The following ANO1 variants were observed in gnomAD, a reference collection of about 807,000 sequenced individuals.
ANO1 encodes anoctamin-1.
ANO1 carries 59 observed loss-of-function variants against 124.0 expected under a neutral mutation model. The observed-to-expected ratio is 0.48, with a 90% CI of 0.39 to 0.59. The LOEUF (loss-of-function observed/expected upper bound fraction) is 0.59, where lower values mean the gene tolerates loss of function less well. Among genes scored for constraint, ANO1 ranks in the 20% least tolerant of loss-of-function variants. ANO1 has a pLI of 0.00. For missense variants in ANO1, 1,059 were observed against 1,328.0 expected, an observed-to-expected ratio of 0.80 and a Z score of 3.15; for synonymous variants, 529 against 532.0, an observed-to-expected ratio of 0.99 and a Z score of 0.08.
rs753003938 is a variant in ANO1 at position 70,087,901 on chromosome 11, C to T, written c.258C>T (p.Ser86=). 4.5e-5 allele frequency: 72 copies of T among 1,610,694 alleles called. No individual in the cohort carries two copies. In the South Asian group the frequency reaches 7.1e-4, roughly 16 times the overall value. The part of the protein sequence containing the change: ...NRTLVRRVQH[S]DTPSGARSVK... Reference sequence around the variant, plus strand: ...CCCTGGTCAGGAGGGTGCAGCACAGCGACACCCCCTCTGGGGCTCGCAGCG... The same window carrying T: ...CCCTGGTCAGGAGGGTGCAGCACAGTGACACCCCCTCTGGGGCTCGCAGCG... Residue 86 remains serine (S), a synonymous_variant, in exon 2 of 26, where the codon AGC becomes AGT. Transcript: ENST00000355303.
At chr11:70,009,443 C>T (rs1856550883) in intron 1 of ANO1, among the ~76,000 whole-genome samples, 1 of 152,148 alleles carries the variant, frequency 6.6e-6, no homozygotes, top group African/African-American at 2.4e-5. Flanking sequence ...CTGACTGTAC[C>T]AAGTGACTTC....
chr11:70,032,599 G>A (rs1236528935), intron 1 of ANO1, among the ~76,000 whole-genome samples: 2 of 152,066 alleles, frequency 1.3e-5, no homozygotes, highest in East Asian at 1.9e-4. Flanking sequence ...CAAGGGAGGA[G>A]CCCACAACAG....
intron 2 of ANO1, among the ~76,000 whole-genome samples, chr11:70,093,924 C>A (rs1450796280): frequency 6.6e-6 from 1 of 152,170 alleles, no homozygotes; most frequent in African/African-American, 2.4e-5. Context: ...CGGATGTGGA[C>A]CCAGCTCAAA....
chr11:70,006,871 C>T (rs1555000172), intron 1 of ANO1, among the ~76,000 whole-genome samples: 4 of 151,936 alleles, frequency 2.6e-5, no homozygotes, highest in African/African-American at 7.2e-5. Flanking sequence ...GGTTTCGCCA[C>T]GTTGGCCAGG....
At chr11:70,109,336 G>C (rs1192199684) in intron 6 of ANO1, among the ~76,000 whole-genome samples, 3 of 152,182 alleles carry the variant, frequency 2.0e-5, no homozygotes, top group African/African-American at 7.2e-5. Context: ...GGTCAGGCCC[G>C]GGAGACAGAG....
In ANO1 at chr11:70,178,700, A is replaced by T. The variant is rs182661288; in HGVS notation, c.2351-1304A>T. Among the ~76,000 whole-genome samples the T allele has an allele frequency of 9.1e-4, 139 of 152,008 alleles. 1 individual carries two copies. The East Asian group carries it at 0.026, about 28-fold the overall frequency. On this transcript the variant is annotated intron_variant, in intron 22 of 25. Transcript: ENST00000355303. ...TGCCTCAGCCTTCTGAGTAGCTGGG[A>T]TTACAGGCATGTGCCACGACGCCTG...
the ANO1 span, among the ~76,000 whole-genome samples, chr11:69,976,534 AAAAAAAAAAAAAAAAAAAAAG>A: frequency 5.1e-3 from 306 of 59,792 alleles, 20 homozygotes; most frequent in Non-Finnish European, 8.8e-3. Flanking sequence ...AAAAAAAAAA[AAAAAAAAAAAAAAAAAAAAAG>A]AGAGAGAGAG....
intron 1 of ANO1, among the ~76,000 whole-genome samples, chr11:70,041,728 GA>G (rs1293774793): frequency 6.6e-6 from 1 of 151,850 alleles, no homozygotes; most frequent in Non-Finnish European, 1.5e-5. Context: ...AAAATATGTT[GA>G]AAAAACAGTA....
At position 69,993,750 on chromosome 11, in the gene ANO1, C is replaced by T. The variant is rs782250358; in HGVS notation, c.58+7584C>T. ...CCATATCTACAGACAAACAAGATGA[C>T]TTCACTCTTTCTGTCTTCATGGCCT... On this transcript the variant is annotated intron_variant, in intron 1 of 27. Transcript: ENST00000531349. Among the ~76,000 whole-genome samples the T allele has an allele frequency of 2.2e-4, 34 of 152,206 alleles. 1 individual carries two copies. The highest frequency in any genetic ancestry group is 3.3e-4 in the Admixed American group (5 of 15,288).
intron 2 of ANO1, among the ~76,000 whole-genome samples, chr11:70,098,311 C>T (rs960819523): frequency 6.6e-6 from 1 of 152,224 alleles, no homozygotes; most frequent in African/African-American, 2.4e-5. Flanking sequence ...ACCCCACCAA[C>T]GATGAGGCTC....
chr11:70,077,196 C>T (rs1243141327), upstream of ANO1, among the ~76,000 whole-genome samples: 4 of 152,280 alleles, frequency 2.6e-5, no homozygotes, highest in Non-Finnish European at 4.4e-5. Flanking sequence ...TATTGAGCAT[C>T]GGCTGTGTGA....
At chr11:70,095,065 G>T (rs1424282857) in intron 2 of ANO1, among the ~76,000 whole-genome samples, 3 of 151,904 alleles carry the variant, frequency 2.0e-5, no homozygotes, top group African/African-American at 7.3e-5. Context: ...AATTAGCCGG[G>T]CGTGGTGGCT....
At chr11:69,969,411 A>G in the ANO1 span, among the ~76,000 whole-genome samples, 1 of 152,094 alleles carries the variant, frequency 6.6e-6, no homozygotes, top group Non-Finnish European at 1.5e-5. Context: ...CTTCTGGAAA[A>G]ATGGGAATGA....
intron 11 of ANO1, among the ~76,000 whole-genome samples, chr11:70,147,105 C>T (rs971240487): frequency 3.3e-5 from 5 of 152,104 alleles, no homozygotes; most frequent in African/African-American, 4.8e-5. Context: ...TGCAGGTGTG[C>T]GTGGAGCAGC....
At chr11:70,044,595 C>G (rs1218783176) in intron 1 of ANO1, among the ~76,000 whole-genome samples, 1 of 151,984 alleles carries the variant, frequency 6.6e-6, no homozygotes, top group African/African-American at 2.4e-5. Context: ...AGAATGCCAA[C>G]TTATAAATAT....
chr11:70,186,702 G>T (rs1023166923), intron 25 of ANO1, among the ~76,000 whole-genome samples: 1 of 152,148 alleles, frequency 6.6e-6, no homozygotes, highest in African/African-American at 2.4e-5. Flanking sequence ...GATTCTGCTC[G>T]CAGGTGTCCC....
chr11:70,140,394 G>C (rs2135567225), intron 11 of ANO1, among the ~76,000 whole-genome samples: 1 of 152,236 alleles, frequency 6.6e-6, no homozygotes, highest in African/African-American at 2.4e-5. Context: ...AGCCGAGCGT[G>C]GTGGCAGGTA....
At chr11:69,969,059 A>G in the ANO1 span, among the ~76,000 whole-genome samples, 1 of 152,270 alleles carries the variant, frequency 6.6e-6, no homozygotes, top group East Asian at 1.9e-4. Context: ...CTCTAGTGTA[A>G]ATGAAGCCAG....
At chr11:70,010,328 A>G (rs1555000903) in intron 1 of ANO1, among the ~76,000 whole-genome samples, 2 of 151,310 alleles carry the variant, frequency 1.3e-5, no homozygotes. Flanking sequence ...TTTTTCACAT[A>G]ATGACTTCTT....
Sources: allele counts gnomAD v4.1 joint callset (sites outside exome capture counted in the v4.1 genomes callset), GRCh38; gene constraint gnomAD v4.1.1; transcripts MANE v1.5; gene names NCBI Gene and HGNC (gene_info 2026-07-23, HGNC 2026-07-21).